Variants in FBXO34 observed in about 807,000 individuals in gnomAD.
FBXO34 encodes F-box protein 34.
Under a neutral mutation model 24.5 loss-of-function variants are expected in FBXO34, and 12 were observed. The observed-to-expected ratio is 0.49, with a 90% confidence interval of 0.31 to 0.79. The LOEUF is 0.79. Among genes scored for constraint, FBXO34 ranks in the 30% least tolerant of loss-of-function variants. The probability of loss-of-function intolerance (pLI) is 0.04; values close to 1 mark genes in which losing one functional copy is unlikely to be tolerated. For missense variants in FBXO34, 823 were observed against 857.7 expected (o/e 0.96, Z 0.51); for synonymous variants, 320 against 311.9 (o/e 1.03, Z -0.27).
At chr14:55,358,401 C>T (rs1158677413), downstream of FBXO34, among the ~76,000 whole-genome samples, 2 of 152,130 alleles carry the variant, frequency 1.3e-5, no homozygotes, top group Admixed American at 6.5e-5. Context: ...TTGCAGGGCC[C>T]ATGGCAGGAA....
intron 1 of FBXO34, among the ~76,000 whole-genome samples, chr14:55,307,226 G>C (rs147818982): frequency 6.5e-4 from 99 of 152,310 alleles, no homozygotes; most frequent in African/African-American, 2.1e-3. Flanking sequence ...CCGCCCCTCT[G>C]TTTAGCAGAT....
At chr14:55,394,808 A>G in the FBXO34 span, 1 of 292,522 alleles carries the variant, frequency 3.4e-6, no homozygotes, top group East Asian at 9.5e-5. Context: ...TATGCCTGGT[A>G]TTATAGGATA....
chr14:55,421,080 A>G, the FBXO34 span, among the ~76,000 whole-genome samples: 3 of 150,626 alleles, frequency 2.0e-5, no homozygotes, highest in Non-Finnish European at 4.4e-5. Context: ...AAAAAAAAAG[A>G]AAAAAGAAAT....
chr14:55,397,488 G>GA, the FBXO34 span: 1 of 1,372,540 alleles, frequency 7.3e-7, no homozygotes, highest in Non-Finnish European at 1.0e-6. Flanking sequence ...TCAGTTCAAT[G>GA]AGACTATGCA....
the FBXO34 span, among the ~76,000 whole-genome samples, chr14:55,398,905 C>T: frequency 4.0e-5 from 6 of 151,626 alleles, no homozygotes; most frequent in South Asian, 2.1e-4. Context: ...GTGGAGTGAA[C>T]GTGACCCACT....
intron 1 of FBXO34, among the ~76,000 whole-genome samples, chr14:55,311,341 T>C (rs1436758056): frequency 6.6e-6 from 1 of 152,162 alleles, no homozygotes; most frequent in Non-Finnish European, 1.5e-5. Flanking sequence ...ATGTGGGGAT[T>C]ATGGGGATTA....
chr14:55,391,297 A>T, the FBXO34 span: 1 of 193,712 alleles, frequency 5.2e-6, no homozygotes, highest in Non-Finnish European at 1.0e-5. Context: ...AACATGGTGA[A>T]ACCCCATCTC....
At chr14:55,428,382 G>A in the FBXO34 span, among the ~76,000 whole-genome samples, 1 of 152,004 alleles carries the variant, frequency 6.6e-6, no homozygotes, top group African/African-American at 2.4e-5. Flanking sequence ...GCCTGCCTCG[G>A]CCTCCCAACA....
intron 1 of FBXO34, among the ~76,000 whole-genome samples, chr14:55,307,688 A>G (rs1032685613): frequency 6.6e-6 from 1 of 152,250 alleles, no homozygotes; most frequent in East Asian, 1.9e-4. Context: ...GATTTAAAAT[A>G]ACTTTATCAA....
chr14:55,323,688 T>G (rs1267820425), intron 1 of FBXO34, among the ~76,000 whole-genome samples: 2 of 152,182 alleles, frequency 1.3e-5, no homozygotes, highest in African/African-American at 4.8e-5. Context: ...GCCAAAAATT[T>G]TTGTTTATGA....
Position 55,350,160 on chromosome 14 carries a change from T to TAAA in FBXO34, c.-10-208_-10-206dup, listed in dbSNP as rs60811559. Among the ~76,000 whole-genome samples, 678 of 139,086 alleles carry TAAA rather than the reference T, an allele frequency of 4.9e-3. 8 individuals carry two copies. Among genetic ancestry groups the TAAA allele is most frequent in the African/African-American group, 0.015 (576 of 37,730 alleles). 91.2% of individuals were successfully genotyped at this position (139,086 alleles called of 152,430 possible). On this transcript the variant is annotated intron_variant, in intron 1 of 1. Transcript: ENST00000313833. ...TCAGTCAAAACCAATTTATTTTCTG[T>TAAA]AAAAAAAAAAAAAAAGTACTACACA...
chr14:55,298,799 G>A (rs1882234985), intron 1 of FBXO34: 10 of 1,609,574 alleles, frequency 6.2e-6, no homozygotes, highest in African/African-American at 4.0e-5. Context: ...ACAAGCCCGC[G>A]GCCCTCCAGG....
chr14:55,365,145 A>G (rs1884651776), downstream of FBXO34, among the ~76,000 whole-genome samples: 1 of 147,004 alleles, frequency 6.8e-6, no homozygotes, highest in South Asian at 2.2e-4. Context: ...TGGGAGGCAG[A>G]GCTTGCAGTG....
downstream of FBXO34, among the ~76,000 whole-genome samples, chr14:55,373,410 T>C (rs74584595): frequency 0.014 from 2,190 of 152,214 alleles, 57 homozygotes; most frequent in African/African-American, 0.049. Context: ...ATGGGCAAAA[T>C]ATTAATAGGT....
At chr14:55,284,609 A>G (rs1881693960) in intron 1 of FBXO34, among the ~76,000 whole-genome samples, 1 of 140,410 alleles carries the variant, frequency 7.1e-6, no homozygotes. Context: ...GTGGTTACCT[A>G]AAATTTTGTT....
chr14:55,339,263 C>T (rs991530773), intron 1 of FBXO34, among the ~76,000 whole-genome samples: 2 of 151,780 alleles, frequency 1.3e-5, no homozygotes, highest in African/African-American at 4.8e-5. Flanking sequence ...AAAATGTCTC[C>T]CTGTGATAAA....
chr14:55,276,197 T>C (rs1479673576), intron 1 of FBXO34, among the ~76,000 whole-genome samples: 1 of 152,246 alleles, frequency 6.6e-6, no homozygotes. Context: ...TTGATGAACT[T>C]GGGAAATACG....
chr14:55,282,288 C>A, intron 1 of FBXO34: 1 of 427,586 alleles, frequency 2.3e-6, no homozygotes. Context: ...CCACCGCGCC[C>A]CGCCAAATTT....
chr14:55,360,949 G>C (rs2140103516), intron 3 of FBXO34, among the ~76,000 whole-genome samples: 1 of 151,868 alleles, frequency 6.6e-6, no homozygotes, highest in East Asian at 1.9e-4. Flanking sequence ...GGTGAGCCGA[G>C]ATCACGCCAC....
Sources: allele counts gnomAD v4.1 joint callset (sites outside exome capture counted in the v4.1 genomes callset), GRCh38; gene constraint gnomAD v4.1.1; transcripts MANE v1.5; gene names NCBI Gene and HGNC (gene_info 2026-07-23, HGNC 2026-07-21).